Variants in CHML observed in about 807,000 individuals in gnomAD.
The protein encoded by CHML is CHM like Rab escort protein.
In CHML, 20 loss-of-function variants were observed where a neutral mutation model predicts 30.4. That is an observed-to-expected ratio of 0.66 (90% CI 0.46 to 0.95). The LOEUF (loss-of-function observed/expected upper bound fraction) is 0.95, where lower values mean the gene tolerates loss of function less well. Among genes scored for constraint, CHML ranks in the 40% least tolerant of loss-of-function variants. The pLI is 0.00. For synonymous variants in CHML, 281 were observed against 275.0 expected, an observed-to-expected ratio of 1.02 and a Z score of -0.22; for missense variants, 795 against 768.5, an observed-to-expected ratio of 1.03 and a Z score of -0.41.
chr1:241,631,436 G>A lies in CHML; in HGVS notation c.*2360C>T, dbSNP rs1664629339. 6.6e-6 allele frequency: 1 copy of A among 151,778 alleles called. No homozygotes were observed. 9.4% of individuals were successfully genotyped at this position (151,778 alleles called of 1,614,324 possible). ...TCTCATTTTAATTACTATTTTATAG[G>A]TCTATTTCAAGTATTTCAGTTGTTC... On this transcript the variant is annotated 3_prime_UTR_variant, in exon 2 of 2. Coordinates refer to ENST00000366553, the MANE Select transcript of CHML (RefSeq NM_001381853.1).
In CHML at chr1:241,634,617, C is replaced by T. The variant is rs1349935931; in HGVS notation, c.1150G>A (p.Glu384Lys). ...PFLFPLYGQGEIPQGFCRMCA... is the reference protein window; with the variant it reads ...PFLFPLYGQGKIPQGFCRMCA... ...ATCCTACAGAAACCCTGGGGAATTTCTCCTTGGCCATACAAGGGAAATAAA... is the reference window on the plus strand; with the variant it reads ...ATCCTACAGAAACCCTGGGGAATTTTTCCTTGGCCATACAAGGGAAATAAA... Residue 384 changes from glutamate (E) to lysine (K), a missense_variant, in exon 2 of 2, where the codon GAA (glutamate) becomes AAA (lysine). Transcript: ENST00000366553. 2 of 1,613,928 alleles carry T rather than the reference C, an allele frequency of 1.2e-6. No homozygotes were observed. The highest frequency in any genetic ancestry group is 1.1e-5 in the South Asian group (1 of 91,060).
At position 241,635,019 on chromosome 1, in the gene CHML, T is replaced by C. The variant is rs759701818; in HGVS notation, c.748A>G (p.Lys250Glu). The C allele has an allele frequency of 1.2e-6, 2 of 1,613,436 alleles. No homozygotes were observed. Among genetic ancestry groups the C allele is most frequent in the East Asian group, 4.5e-5 (2 of 44,862 alleles). ...TCTACATAACGACTAACATCTGATTTGATTAAAAGATCAATTAGCAATCCT... is the reference window on the plus strand; with the variant it reads ...TCTACATAACGACTAACATCTGATTCGATTAAAAGATCAATTAGCAATCCT... ...SQGLLIDLLI[K>E]SDVSRYVEFK... The change falls in exon 2 of 2, where the codon AAA becomes GAA. Residue 250 changes from lysine to glutamate, a missense_variant. Coordinates refer to ENST00000366553, the MANE Select transcript of CHML (RefSeq NM_001381853.1).
rs762182963 is a variant in CHML at position 241,635,202 on chromosome 1, G to A, written c.565C>T (p.His189Tyr). Residue 189 changes from histidine to tyrosine, a missense_variant, in exon 2 of 2, where the codon CAC becomes TAC. Coordinates refer to ENST00000366553, the MANE Select transcript of CHML (RefSeq NM_001381853.1). ...EKYCGDKTCM[H>Y]TVSDKDGDKD... ...TCTCCATCTTTATCTGAAACTGTGT[G>A]CATACAAGTTTTATCTCCACAATAC... The A allele has an allele frequency of 1.9e-6, 3 of 1,612,992 alleles. No individual in the cohort carries two copies. In the South Asian group the frequency reaches 3.3e-5, roughly 18 times the overall value.
rs1664733178 is a variant in CHML, at chr1:241,633,537, C to A, written c.*259G>T. 1 of 456,174 alleles carries A rather than the reference C, an allele frequency of 2.2e-6. No homozygotes were observed. The highest frequency in any genetic ancestry group is 4.4e-5 in the East Asian group (1 of 22,856). The allele number at this position is 456,174 out of a possible 1,614,324, so 28.3% of individuals were successfully genotyped here. ...GGAACCCTTACATATATACCCAATA[C>A]TAAAATAAAGCTAACTCTGTTTTAA... On this transcript the variant is annotated 3_prime_UTR_variant, in exon 2 of 2. Transcript: ENST00000366553.
At position 241,633,916 on chromosome 1, in the gene CHML, G is replaced by C; in HGVS notation, c.1851C>G (p.Ile617Met). ...CPPPPNPEDI[I>M]FDGDDKQPEA... ...CTGGCTGCTTATCATCACCATCAAAGATAATGTCTTCTGGATTTGGAGGTG... is the reference window on the plus strand; with the variant it reads ...CTGGCTGCTTATCATCACCATCAAACATAATGTCTTCTGGATTTGGAGGTG... The change falls in exon 2 of 2, where the codon ATC becomes ATG. Residue 617 changes from isoleucine to methionine, a missense_variant. Coordinates refer to ENST00000366553, the MANE Select transcript of CHML (RefSeq NM_001381853.1). The C allele has an allele frequency of 1.9e-6, 3 of 1,613,890 alleles. No individual in the cohort carries two copies. Among genetic ancestry groups the C allele is most frequent in the Non-Finnish European group, 2.5e-6 (3 of 1,179,834 alleles).
Position 241,634,369 on chromosome 1 carries a change from T to C in CHML, c.1398A>G (p.Leu466=), listed in dbSNP as rs1174806474. The C allele has an allele frequency of 6.2e-7, 1 of 1,613,978 alleles. No individual in the cohort carries two copies. The highest frequency in any genetic ancestry group is 2.2e-5 in the East Asian group (1 of 44,884). The part of the protein sequence containing the change: ...RAVLITDQSI[L]KTDLDQQTSI... Reference sequence around the variant, plus strand: ...AAGTCTGCTGATCTAAATCTGTCTTTAGTATAGACTGATCTGTAATGAGTA... The same window carrying C: ...AAGTCTGCTGATCTAAATCTGTCTTCAGTATAGACTGATCTGTAATGAGTA... Residue 466 remains leucine, a synonymous_variant, in exon 2 of 2, where the codon CTA becomes CTG. Coordinates refer to ENST00000366553, the MANE Select transcript of CHML (RefSeq NM_001381853.1).
rs1664715010 is a variant in CHML, at chr1:241,633,221, G to A, written c.*575C>T. The A allele has an allele frequency of 1.3e-5, 2 of 154,924 alleles. No homozygotes were observed. The highest frequency in any genetic ancestry group is 4.8e-5 in the African/African-American group (2 of 41,372). The allele number at this position is 154,924 out of a possible 1,614,324, so 9.6% of individuals were successfully genotyped here. A position where few individuals can be genotyped will look rare whatever the true frequency, so the allele number is the denominator to read the frequency against. ...CTTCAGACCTTCACAGTGCATAAAG[G>A]ATCATGCAAAGCTAATCTTTAAACG... is the stretch of plus-strand genomic sequence containing the variant. On this transcript the variant is annotated 3_prime_UTR_variant, in exon 2 of 2. Transcript: ENST00000366553.
Position 241,634,316 on chromosome 1 carries a change from G to A in CHML, c.1451C>T (p.Pro484Leu). The A allele has an allele frequency of 1.2e-6, 2 of 1,613,936 alleles. No homozygotes were observed. Among genetic ancestry groups the A allele is most frequent in the Non-Finnish European group, 8.5e-7 (1 of 1,179,918 alleles). ...TSILIVPPAE[P>L]GACAVRVTEL... ...TGTGACCCGTACAGCACAAGCTCCT[G>A]GCTCTGCTGGAGGAACTATCAGAAT... Residue 484 changes from proline to leucine, a missense_variant, in exon 2 of 2, where the codon CCA becomes CTA. Transcript: ENST00000366553.
rs958460594 is a variant in CHML, at chr1:241,629,146, C to T, written c.*4650G>A. 2 of 152,488 alleles carry T rather than the reference C, an allele frequency of 1.3e-5. No individual in the cohort carries two copies. Among genetic ancestry groups the T allele is most frequent in the African/African-American group, 2.4e-5 (1 of 41,456 alleles). The allele number at this position is 152,488 out of a possible 1,614,324, so 9.4% of individuals were successfully genotyped here. On this transcript the variant is annotated 3_prime_UTR_variant, in exon 2 of 2. Transcript: ENST00000366553. ...CAAAATTTACTTAACCATTTCCAAT[C>T]GTTGGGCTTTTTTCCCCCTTAAAGT...
In CHML at chr1:241,635,595, A is replaced by G. The variant is rs1664864688; in HGVS notation, c.172T>C (p.Trp58Arg). Reference sequence around the variant, plus strand: ...TTGTTTTGCTGATACTCCTTCAACCAGGATAGCAATCCTGAAAAGCTGAAA... The same window carrying G: ...TTGTTTTGCTGATACTCCTTCAACCGGGATAGCAATCCTGAAAAGCTGAAA... ...ASFSFSGLLS[W>R]LKEYQQNNDI... Residue 58 changes from tryptophan (W) to arginine (R), a missense_variant, in exon 2 of 2, where the codon TGG becomes CGG. By Grantham distance (101) the Trp-to-Arg change is moderately radical (BLOSUM62 -3). Coordinates refer to ENST00000366553, the MANE Select transcript of CHML (RefSeq NM_001381853.1). The G allele has an allele frequency of 1.2e-6, 2 of 1,614,026 alleles. No individual in the cohort carries two copies. Among genetic ancestry groups the G allele is most frequent in the Non-Finnish European group, 1.7e-6 (2 of 1,179,962 alleles).
rs1558446413 is a variant in CHML, at chr1:241,631,911, GT to G, written c.*1884del. ...GTGAATGTTAGTAGAAAGATCAAAGGTTTTAGAATCACAAAAGGCTGGGTCC... is the reference window on the plus strand; with the variant it reads ...GTGAATGTTAGTAGAAAGATCAAAGGTTTAGAATCACAAAAGGCTGGGTCC... On this transcript the variant is annotated 3_prime_UTR_variant, in exon 2 of 2. Transcript: ENST00000366553. 1 of 152,106 alleles carries G rather than the reference GT, an allele frequency of 6.6e-6. No homozygotes were observed. The highest frequency in any genetic ancestry group is 2.4e-5 in the African/African-American group (1 of 41,406). 9.4% of individuals were successfully genotyped at this position (152,106 alleles called of 1,614,324 possible).
chr1:241,636,928 T>C (rs1300997880), intron 1 of CHML, among the ~76,000 whole-genome samples: 1 of 149,186 alleles, frequency 6.7e-6, no homozygotes, highest in African/African-American at 2.5e-5. Context: ...ACTAACACTG[T>C]TTGTTCTTAT....
In CHML at chr1:241,628,888, T is replaced by C. The variant is rs1344459405; in HGVS notation, c.*4908A>G. 2 of 152,616 alleles carry C rather than the reference T, an allele frequency of 1.3e-5. No individual in the cohort carries two copies. Among genetic ancestry groups the C allele is most frequent in the Non-Finnish European group, 1.5e-5 (1 of 68,040 alleles). 9.5% of individuals were successfully genotyped at this position (152,616 alleles called of 1,614,324 possible). A position where few individuals can be genotyped will look rare whatever the true frequency, so the allele number is the denominator to read the frequency against. On this transcript the variant is annotated 3_prime_UTR_variant, in exon 2 of 2. Coordinates refer to ENST00000366553, the MANE Select transcript of CHML (RefSeq NM_001381853.1). ...CTTTACCAATTAATCTTTTATTTTT[T>C]ATTGCATACATCAATATTTAACAGA...
In CHML at chr1:241,635,700, G is replaced by A. The variant is rs139341154; in HGVS notation, c.67C>T (p.Leu23Phe). 6.2e-7 allele frequency: 1 copy of A among 1,613,884 alleles called. No individual in the cohort carries two copies. Among genetic ancestry groups the A allele is most frequent in the African/African-American group, 1.3e-5 (1 of 74,906 alleles). Residue 23 changes from leucine (L) to phenylalanine (F), a missense_variant, in exon 2 of 2, where the codon CTT (leucine) becomes TTT (phenylalanine). Physicochemically the swap from Leu to Phe is conservative, Grantham distance 22. Coordinates refer to ENST00000366553, the MANE Select transcript of CHML (RefSeq NM_001381853.1). ...CCACTTCTTGAACATGCAGCTGCAAGGATGGATTCGGGCAAACCTGTCCCT... is the reference window on the plus strand; with the variant it reads ...CCACTTCTTGAACATGCAGCTGCAAAGATGGATTCGGGCAAACCTGTCCCT... Reference protein sequence around the residue: ...IIGTGLPESILAAACSRSGQR... With the variant: ...IIGTGLPESIFAAACSRSGQR...
At position 241,635,144 on chromosome 1, in the gene CHML, T is replaced by A. The variant is rs1231212927; in HGVS notation, c.623A>T (p.Lys208Met). ...KDESKSTVED[K>M]ADEPIRNRIT... ...CCTATTTCTAATTGGTTCATCGGCC[T>A]TATCTTCTACTGTAGATTTGCTTTC... Residue 208 changes from lysine (K) to methionine (M), a missense_variant, in exon 2 of 2, where the codon AAG (lysine) becomes ATG (methionine). Transcript: ENST00000366553. The A allele has an allele frequency of 1.2e-6, 2 of 1,612,860 alleles. No homozygotes were observed. The highest frequency in any genetic ancestry group is 1.7e-6 in the Non-Finnish European group (2 of 1,179,904).
Position 241,634,600 on chromosome 1 carries a change from G to C in CHML, c.1167C>G (p.Phe389Leu), listed in dbSNP as rs369238680. The C allele has an allele frequency of 9.3e-6, 15 of 1,613,828 alleles. No homozygotes were observed. Among genetic ancestry groups the C allele is most frequent in the Non-Finnish European group, 1.2e-5 (14 of 1,179,894 alleles). ...CACCAAAAACTGCACACATCCTACAGAAACCCTGGGGAATTTCTCCTTGGC... is the reference window on the plus strand; with the variant it reads ...CACCAAAAACTGCACACATCCTACACAAACCCTGGGGAATTTCTCCTTGGC... ...LYGQGEIPQGFCRMCAVFGGI... is the reference protein window; with the variant it reads ...LYGQGEIPQGLCRMCAVFGGI... Residue 389 changes from phenylalanine to leucine, a missense_variant, in exon 2 of 2, where the codon TTC becomes TTG. Phe to Leu is a conservative substitution (Grantham distance 22). Transcript: ENST00000366553.
chr1:241,638,901 A>G (rs1165463372), intron 1 of CHML, among the ~76,000 whole-genome samples: 1 of 152,234 alleles, frequency 6.6e-6, no homozygotes, highest in African/African-American at 2.4e-5. Context: ...ATAAAGTATC[A>G]ATGGATTTCA....
chr1:241,634,796 T>C lies in CHML; in HGVS notation c.971A>G (p.Glu324Gly). 3 of 1,613,936 alleles carry C rather than the reference T, an allele frequency of 1.9e-6. No individual in the cohort carries two copies. The African/African-American group carries it at 4.0e-5, about 22-fold the overall frequency. Residue 324 changes from glutamate to glycine, a missense_variant, in exon 2 of 2, where the codon GAA becomes GGA. Physicochemically the swap from Glu to Gly is moderately conservative, Grantham distance 98. Coordinates refer to ENST00000366553, the MANE Select transcript of CHML (RefSeq NM_001381853.1). ...YQAFRQCSFS[E>G]YLKTKKLTPN... ...AGTTAGTTTTTTAGTTTTTAAGTATTCTGAAAATGAACACTGCCTGAAAGC... is the reference window on the plus strand; with the variant it reads ...AGTTAGTTTTTTAGTTTTTAAGTATCCTGAAAATGAACACTGCCTGAAAGC...
In CHML at chr1:241,632,498, G is replaced by A. The variant is rs1446952546; in HGVS notation, c.*1298C>T. 1 of 152,130 alleles carries A rather than the reference G, an allele frequency of 6.6e-6. No homozygotes were observed. Among genetic ancestry groups the A allele is most frequent in the East Asian group, 1.9e-4 (1 of 5,184 alleles). The allele number at this position is 152,130 out of a possible 1,614,324, so 9.4% of individuals were successfully genotyped here. On this transcript the variant is annotated 3_prime_UTR_variant, in exon 2 of 2. Coordinates refer to ENST00000366553, the MANE Select transcript of CHML (RefSeq NM_001381853.1). Reference sequence around the variant, plus strand: ...CAGGGATCATCATACTCTGACTGAAGAATGGAAACTGGACTAGAGGAAAAG... The same window carrying A: ...CAGGGATCATCATACTCTGACTGAAAAATGGAAACTGGACTAGAGGAAAAG...
Sources: gnomAD v4.1 joint callset for allele counts (sites outside exome capture counted in the v4.1 genomes callset) on GRCh38, gnomAD v4.1.1 for gene constraint, MANE v1.5 for transcripts, NCBI Gene and HGNC (gene_info 2026-07-23, HGNC 2026-07-21) for gene names.